The following HCN1 variants were observed in gnomAD, a reference collection of about 807,000 sequenced individuals.
The protein encoded by HCN1 is hyperpolarization activated cyclic nucleotide gated potassium channel 1.
In HCN1, 13 loss-of-function variants were observed where a neutral mutation model predicts 78.9. The observed-to-expected ratio is 0.16, with a 90% CI of 0.11 to 0.26. The LOEUF is 0.26. HCN1 is among the 10% of genes least tolerant of loss of function. HCN1 has a pLI of 1.00. For missense variants in HCN1, 810 were observed against 1,154.3 expected, an observed-to-expected ratio of 0.70 and a Z score of 4.32; for synonymous variants, 552 against 455.5, an observed-to-expected ratio of 1.21 and a Z score of -2.70.
rs113807698 is a variant in HCN1, at chr5:45,281,156, A to C, written c.1619-13903T>G. Among the ~76,000 whole-genome samples, 1,099 of 152,238 alleles carry C rather than the reference A, an allele frequency of 7.2e-3. 10 individuals are homozygous for C. The highest frequency in any genetic ancestry group is 0.025 in the African/African-American group (1,059 of 41,538). On this transcript the variant is annotated intron_variant, in intron 6 of 7. Transcript: ENST00000303230. ...TGATATGGTTTGGCTCTGTGTCCCC[A>C]CCCAAATCTCATGTAGAAATGTAAT...
At chr5:45,592,475 T>C (rs1744386835) in intron 2 of HCN1, among the ~76,000 whole-genome samples, 1 of 152,152 alleles carries the variant, frequency 6.6e-6, no homozygotes. Context: ...TGATACTAAT[T>C]AGCTATTGAT....
chr5:45,529,307 A>G (rs1742794818), intron 2 of HCN1, among the ~76,000 whole-genome samples: 1 of 152,024 alleles, frequency 6.6e-6, no homozygotes, highest in African/African-American at 2.4e-5. Context: ...TGAGCTAATT[A>G]GTCCCTAATT....
chr5:45,507,447 T>C (rs754882354), intron 2 of HCN1, among the ~76,000 whole-genome samples: 3 of 152,180 alleles, frequency 2.0e-5, no homozygotes, highest in Non-Finnish European at 4.4e-5. Flanking sequence ...AAGAGGACTA[T>C]GACAGGATGG....
chr5:45,696,171 G>T lies in HCN1; in HGVS notation c.-78C>A. 1.0e-6 allele frequency: 1 copy of T among 983,392 alleles called. No individual in the cohort carries two copies. The highest frequency in any genetic ancestry group is 1.3e-6 in the Non-Finnish European group (1 of 789,424). 60.9% of individuals were successfully genotyped at this position (983,392 alleles called of 1,614,324 possible). On this transcript the variant is annotated 5_prime_UTR_variant, in exon 1 of 8. Transcript: ENST00000303230. Reference sequence around the variant, plus strand: ...GGCGCCGGAGACACGTAGCCGAGAGGGTAGGGGCCCGAGCCGGCTGCCGGC... The same window carrying T: ...GGCGCCGGAGACACGTAGCCGAGAGTGTAGGGGCCCGAGCCGGCTGCCGGC...
chr5:45,452,412 AT>A (rs978963227), intron 3 of HCN1, among the ~76,000 whole-genome samples: 14 of 144,232 alleles, frequency 9.7e-5, no homozygotes, highest in African/African-American at 2.3e-4. Context: ...TGATATAGAG[AT>A]TTTTTTTTTG....
intron 5 of HCN1, among the ~76,000 whole-genome samples, chr5:45,335,608 A>C (rs182875716): frequency 1.3e-5 from 2 of 152,008 alleles, no homozygotes; most frequent in African/African-American, 4.8e-5. Context: ...GCAAATAACT[A>C]CATACAATTA....
At chr5:45,487,781 A>G (rs988007445) in intron 2 of HCN1, among the ~76,000 whole-genome samples, 2 of 152,152 alleles carry the variant, frequency 1.3e-5, no homozygotes, top group Non-Finnish European at 2.9e-5. Context: ...TTTGAAGAAA[A>G]TTTAGTAAAA....
intron 2 of HCN1, among the ~76,000 whole-genome samples, chr5:45,571,219 A>G (rs1743826655): frequency 6.6e-6 from 1 of 152,088 alleles, no homozygotes; most frequent in Non-Finnish European, 1.5e-5. Context: ...GTCCACTAGT[A>G]CCCATGTGAT....
At chr5:45,523,506 A>C (rs200199848) in intron 2 of HCN1, among the ~76,000 whole-genome samples, 34 of 151,684 alleles carry the variant, frequency 2.2e-4, no homozygotes, top group East Asian at 1.8e-3. Context: ...TTCTCCACAT[A>C]CTCTCCAGCA....
intron 5 of HCN1, among the ~76,000 whole-genome samples, chr5:45,312,550 A>T (rs1265753050): frequency 6.6e-6 from 1 of 152,172 alleles, no homozygotes; most frequent in East Asian, 1.9e-4. Flanking sequence ...ACTGAGCATG[A>T]ACTGAAGCAG....
At chr5:45,358,698 G>C (rs941769052) in intron 4 of HCN1, among the ~76,000 whole-genome samples, 3 of 152,066 alleles carry the variant, frequency 2.0e-5, no homozygotes, top group East Asian at 3.9e-4. Flanking sequence ...TGAGATGGCT[G>C]TTCAGAGGGC....
intron 4 of HCN1, among the ~76,000 whole-genome samples, chr5:45,374,035 CATA>C (rs1747516842): frequency 1.7e-5 from 1 of 59,046 alleles, no homozygotes; most frequent in South Asian, 3.8e-4. Context: ...ATATTATATA[CATA>C]ATATATATTA....
intron 2 of HCN1, among the ~76,000 whole-genome samples, chr5:45,508,269 G>C (rs1742347013): frequency 6.6e-6 from 1 of 152,052 alleles, no homozygotes; most frequent in African/African-American, 2.4e-5. Context: ...AAAGGCCACT[G>C]TATCTTACTT....
chr5:45,563,222 G>A (rs1331664439), intron 2 of HCN1, among the ~76,000 whole-genome samples: 1 of 152,120 alleles, frequency 6.6e-6, no homozygotes, highest in Non-Finnish European at 1.5e-5. Context: ...GGCCGAGGTG[G>A]GTGGATCACC....
intron 6 of HCN1, among the ~76,000 whole-genome samples, chr5:45,271,967 G>T (rs1227346271): frequency 1.3e-5 from 2 of 152,016 alleles, no homozygotes; most frequent in Admixed American, 1.3e-4. Flanking sequence ...CATGAGAGGA[G>T]AAATAGTCAT....
chr5:45,601,347 C>T (rs1412811218), intron 2 of HCN1, among the ~76,000 whole-genome samples: 2 of 152,048 alleles, frequency 1.3e-5, no homozygotes, highest in Non-Finnish European at 1.5e-5. Context: ...AAGACAATCC[C>T]AAATCATCAG....
At chr5:45,389,344 C>T (rs184568914) in intron 4 of HCN1, among the ~76,000 whole-genome samples, 22 of 152,242 alleles carry the variant, frequency 1.4e-4, no homozygotes, top group Non-Finnish European at 2.9e-4. Context: ...CCATTTCACC[C>T]TACAGTATTC....
intron 1 of HCN1, among the ~76,000 whole-genome samples, chr5:45,684,322 C>A (rs893757685): frequency 3.9e-5 from 6 of 152,040 alleles, no homozygotes; most frequent in African/African-American, 1.4e-4. Context: ...TTATATTGTG[C>A]AATACTTATT....
At chr5:45,620,802 C>T (rs1745045562) in intron 2 of HCN1, among the ~76,000 whole-genome samples, 2 of 152,138 alleles carry the variant, frequency 1.3e-5, no homozygotes, top group African/African-American at 4.8e-5. Context: ...GTCCCTGTAT[C>T]TGACAAGTCT....
Sources: allele counts gnomAD v4.1 joint callset (sites outside exome capture counted in the v4.1 genomes callset), GRCh38; gene constraint gnomAD v4.1.1; transcripts MANE v1.5; gene names NCBI Gene and HGNC (gene_info 2026-07-23, HGNC 2026-07-21).